PALLD: variants seen among roughly 807,000 people sequenced by gnomAD.
PALLD encodes the protein palladin.
In PALLD, 61 loss-of-function variants were observed where a neutral mutation model predicts 123.5. The ratio of observed to expected loss-of-function variants is 0.49; its 90% CI spans 0.40 to 0.61. The LOEUF is 0.61. PALLD is among the 20% of genes least tolerant of loss of function. PALLD has a pLI of 0.00. For synonymous variants in PALLD, 465 were observed against 496.4 expected (o/e 0.94, Z 0.84); for missense variants, 1,273 against 1,377.0 (o/e 0.92, Z 1.20).
chr4:168,710,278 T>C (rs1784707253), intron 9 of PALLD, among the ~76,000 whole-genome samples: 1 of 151,898 alleles, frequency 6.6e-6, no homozygotes, highest in Non-Finnish European at 1.5e-5. Context: ...GCTTTTTTTC[T>C]TTTTCTTTTC....
At chr4:168,630,649 A>G (rs889967447) in intron 2 of PALLD, among the ~76,000 whole-genome samples, 1 of 152,226 alleles carries the variant, frequency 6.6e-6, no homozygotes, top group Non-Finnish European at 1.5e-5. Context: ...CACATCTTTG[A>G]TATTTCATAG....
intron 2 of PALLD, among the ~76,000 whole-genome samples, chr4:168,634,895 G>A (rs909388515): frequency 1.3e-5 from 2 of 151,994 alleles, no homozygotes; most frequent in Non-Finnish European, 2.9e-5. Context: ...TCTGAGCGAA[G>A]AGCTGTACTC....
intron 2 of PALLD, among the ~76,000 whole-genome samples, chr4:168,662,860 G>A (rs983739749): frequency 6.6e-6 from 1 of 152,214 alleles, no homozygotes; most frequent in Non-Finnish European, 1.5e-5. Flanking sequence ...AAAACTCTAA[G>A]ATTCTGTTAG....
rs374745924 is a variant in PALLD at position 168,735,568 on chromosome 4, G to A, written c.1964+23645G>A. Among the ~76,000 whole-genome samples, 14 of 152,238 alleles carry A rather than the reference G, an allele frequency of 9.2e-5. No homozygotes were observed. The East Asian group carries it at 2.7e-3, about 29-fold the overall frequency. On this transcript the variant is annotated intron_variant, in intron 10 of 21. Coordinates refer to ENST00000505667, the MANE Select transcript of PALLD (RefSeq NM_001166108.2). ...CAGAGTGTCAGAAAGAGATGAGAGGGATGGCAAAAACCCATTCATACTTTG... is the reference window on the plus strand; with the variant it reads ...CAGAGTGTCAGAAAGAGATGAGAGGAATGGCAAAAACCCATTCATACTTTG...
chr4:168,872,175 T>C (rs936071130), intron 10 of PALLD, among the ~76,000 whole-genome samples: 2 of 152,212 alleles, frequency 1.3e-5, no homozygotes, highest in Non-Finnish European at 2.9e-5. Flanking sequence ...TCTCTCTCTC[T>C]CTATCGGTAC....
In PALLD at chr4:168,670,765, C is replaced by CA. The variant is rs367710328; in HGVS notation, c.1087+2406dup. 5.2e-3 allele frequency among the ~76,000 whole-genome samples: 566 copies of CA among 109,490 alleles called. 22 individuals carry two copies. Among genetic ancestry groups the CA allele is most frequent in the Non-Finnish European group, 7.3e-3 (398 of 54,298 alleles). 71.8% of individuals were successfully genotyped at this position (109,490 alleles called of 152,430 possible). A position where few individuals can be genotyped will look rare whatever the true frequency, so the allele number is the denominator to read the frequency against. ...AAAAAAACAAAAAAAACAAAAAAAA[C>CA]AAAAAAAAACAAAAAAAAAAAAACA... On this transcript the variant is annotated intron_variant, in intron 3 of 21. Coordinates refer to ENST00000505667, the MANE Select transcript of PALLD (RefSeq NM_001166108.2).
intron 10 of PALLD, among the ~76,000 whole-genome samples, chr4:168,779,845 C>T (rs1382115752): frequency 1.3e-5 from 2 of 151,424 alleles, no homozygotes; most frequent in Non-Finnish European, 2.9e-5. Flanking sequence ...TTCTACTGTT[C>T]TTTACTTTGG....
At chr4:168,506,922 T>C (rs1414596053) in intron 1 of PALLD, among the ~76,000 whole-genome samples, 2 of 152,212 alleles carry the variant, frequency 1.3e-5, no homozygotes, top group African/African-American at 4.8e-5. Context: ...CCACGATATC[T>C]AGCTTTTCTT....
intron 10 of PALLD, among the ~76,000 whole-genome samples, chr4:168,788,521 C>T (rs1737064089): frequency 6.6e-6 from 1 of 152,122 alleles, no homozygotes; most frequent in Non-Finnish European, 1.5e-5. Context: ...GCAGTGAAAT[C>T]GTTCTGTGTG....
intron 2 of PALLD, among the ~76,000 whole-genome samples, chr4:168,640,943 C>T (rs913027516): frequency 4.6e-5 from 7 of 152,032 alleles, no homozygotes; most frequent in East Asian, 1.9e-4. Flanking sequence ...GCACGGTGGC[C>T]TACGCCTGTA....
At chr4:168,877,115 G>A (rs1472561320) in intron 10 of PALLD, among the ~76,000 whole-genome samples, 1 of 152,190 alleles carries the variant, frequency 6.6e-6, no homozygotes, top group East Asian at 1.9e-4. Context: ...ATTAAGGTTT[G>A]TGTAAGAAAT....
intron 11 of PALLD, among the ~76,000 whole-genome samples, chr4:168,892,279 A>C (rs1410243289): frequency 6.6e-6 from 1 of 152,158 alleles, no homozygotes; most frequent in African/African-American, 2.4e-5. Context: ...TCACTGGAAA[A>C]ATTTGCCTGG....
At chr4:168,513,807 A>T (rs1000351435) in intron 2 of PALLD, among the ~76,000 whole-genome samples, 8 of 152,186 alleles carry the variant, frequency 5.3e-5, no homozygotes, top group African/African-American at 1.9e-4. Flanking sequence ...ATAAATATTT[A>T]AAAAGTTAAC....
At position 168,690,672 on chromosome 4, in the gene PALLD, C is replaced by G. The variant is rs1332360017; in HGVS notation, c.1405C>G (p.Pro469Ala). 13 of 1,614,016 alleles carry G rather than the reference C, an allele frequency of 8.1e-6. No individual in the cohort carries two copies. In the Admixed American group the frequency reaches 2.2e-4, roughly 27 times the overall value. The change falls in exon 7 of 22, where the codon CCT becomes GCT. Residue 469 changes from proline (P) to alanine (A), a missense_variant. By Grantham distance (27) the Pro-to-Ala change is conservative. This residue lies in a region of PALLD where 944 missense variants were observed against 954.5 expected (regional missense o/e 0.99). Coordinates refer to ENST00000505667, the MANE Select transcript of PALLD (RefSeq NM_001166108.2). ...GGAGTGCCGGGTCCGTGGGGCACCC[C>G]CTCTGCAGGTCCAGTGGTTTCGGCA... is the stretch of plus-strand genomic sequence containing the variant. ...VLECRVRGAPPLQVQWFRQGS... is the reference protein window; with the variant it reads ...VLECRVRGAPALQVQWFRQGS...
intron 10 of PALLD, among the ~76,000 whole-genome samples, chr4:168,804,892 G>A (rs1384015993): frequency 1.3e-5 from 2 of 152,066 alleles, no homozygotes; most frequent in Admixed American, 1.3e-4. Flanking sequence ...CGGGTGTGGT[G>A]GCTCACACCT....
At chr4:168,882,346 T>C (rs894536838) in intron 10 of PALLD, among the ~76,000 whole-genome samples, 3 of 152,192 alleles carry the variant, frequency 2.0e-5, no homozygotes, top group African/African-American at 7.2e-5. Context: ...TAGGTTCATC[T>C]CAAATAACTC....
At chr4:168,580,176 C>T (rs1329072121) in intron 2 of PALLD, among the ~76,000 whole-genome samples, 1 of 151,868 alleles carries the variant, frequency 6.6e-6, no homozygotes, top group Non-Finnish European at 1.5e-5. Flanking sequence ...CCTCCAGCCT[C>T]ATCAATGTTG....
chr4:168,749,657 T>G (rs1219001461), intron 10 of PALLD, among the ~76,000 whole-genome samples: 1 of 152,088 alleles, frequency 6.6e-6, no homozygotes, highest in African/African-American at 2.4e-5. Flanking sequence ...TGAGCCGAGA[T>G]CATGCCATTT....
intron 3 of PALLD, among the ~76,000 whole-genome samples, chr4:168,679,519 G>T (rs1357207383): frequency 6.9e-6 from 1 of 143,926 alleles, no homozygotes; most frequent in Non-Finnish European, 1.5e-5. Context: ...GTGTGGTGGG[G>T]TATGTATGGA....
Sources: allele counts gnomAD v4.1 joint callset (sites outside exome capture counted in the v4.1 genomes callset), GRCh38; gene constraint gnomAD v4.1.1; regional missense constraint gnomAD v4.1.1; transcripts MANE v1.5; gene names NCBI Gene and HGNC (gene_info 2026-07-23, HGNC 2026-07-21).